The following SULT1B1 variants were observed in gnomAD, a reference collection of about 807,000 sequenced individuals.
SULT1B1 encodes the protein sulfotransferase 1B1.
A neutral mutation model predicts 34.6 loss-of-function variants in SULT1B1; 28 were observed. The ratio of observed to expected loss-of-function variants is 0.81; its 90% CI spans 0.60 to 1.11. The LOEUF is 1.11. Ranked by LOEUF, SULT1B1 falls within the 50% of genes least tolerant of loss-of-function variation. The probability of loss-of-function intolerance (pLI) is 0.00; values close to 1 mark genes in which losing one functional copy is unlikely to be tolerated. For missense variants in SULT1B1, 374 were observed against 352.2 expected (o/e 1.06, Z -0.50); for synonymous variants, 147 against 110.2 (o/e 1.33, Z -2.09).
chr4:69,728,441 T>A (rs538611661), intron 7 of SULT1B1, among the ~76,000 whole-genome samples: 2 of 152,174 alleles, frequency 1.3e-5, no homozygotes, highest in African/African-American at 4.8e-5. Flanking sequence ...GCACATTTGT[T>A]CATACTTAAC....
chr4:69,727,454 T>A (rs924205414), intron 7 of SULT1B1, among the ~76,000 whole-genome samples: 1 of 152,048 alleles, frequency 6.6e-6, no homozygotes, highest in Admixed American at 6.6e-5. Flanking sequence ...GAAAGACTAA[T>A]TTTCTTGTTT....
chr4:69,726,434 A>G lies in SULT1B1; in HGVS notation c.*654T>C, dbSNP rs1717839256. On this transcript the variant is annotated 3_prime_UTR_variant, in exon 8 of 8. Transcript: ENST00000310613. ...CCCTCAGGGCTGCTTTTCAGAACAG[A>G]GCTCCAGTTCCCAGGTAACCAATCC... The G allele has an allele frequency of 6.6e-6, 1 of 151,894 alleles. No homozygotes were observed. Among genetic ancestry groups the G allele is most frequent in the Admixed American group, 6.6e-5 (1 of 15,214 alleles). The allele number at this position is 151,894 out of a possible 1,614,324, so 9.4% of individuals were successfully genotyped here.
chr4:69,754,874 T>C, intron 2 of SULT1B1, 76 bp from the exon 3 acceptor site: 1 of 1,508,186 alleles, frequency 6.6e-7, no homozygotes, highest in Non-Finnish European at 9.1e-7. Context: ...TTGGAAACAC[T>C]ACCATCTTAA....
intron 3 of SULT1B1, among the ~76,000 whole-genome samples, chr4:69,750,181 T>C (rs1295110123): frequency 2.6e-5 from 4 of 152,150 alleles, no homozygotes; most frequent in Non-Finnish European, 5.9e-5. Flanking sequence ...TAAATGACTA[T>C]TTAAATGTTT....
chr4:69,749,871 G>C, intron 3 of SULT1B1, 53 bp from the exon 4 acceptor site: 1 of 1,386,910 alleles, frequency 7.2e-7, no homozygotes, highest in Non-Finnish European at 1.0e-6. Context: ...GAAAGGCTAC[G>C]TTTCCTTATT....
chr4:69,730,359 T>C, intron 7 of SULT1B1, 142 bp downstream of exon 7: 1 of 597,364 alleles, frequency 1.7e-6, no homozygotes, highest in Non-Finnish European at 2.8e-6. Flanking sequence ...TAATTTTGAA[T>C]CTCAGCAACT....
At position 69,722,171 on chromosome 4, in the gene SULT1B1, C is replaced by T. The variant is rs1391977773; in HGVS notation, c.*4917G>A. On this transcript the variant is annotated 3_prime_UTR_variant, in exon 8 of 8. Transcript: ENST00000310613. Reference sequence around the variant, plus strand: ...TCTAAATTCTATTTTTATCTCCACTCTTCACTCAGTGCATAGAAACATACC... The same window carrying T: ...TCTAAATTCTATTTTTATCTCCACTTTTCACTCAGTGCATAGAAACATACC... 1.3e-5 allele frequency: 2 copies of T among 152,120 alleles called. No individual in the cohort carries two copies. The highest frequency in any genetic ancestry group is 2.9e-5 in the Non-Finnish European group (2 of 67,998). The allele number at this position is 152,120 out of a possible 1,614,324, so 9.4% of individuals were successfully genotyped here.
chr4:69,722,250 G>C lies in SULT1B1; in HGVS notation c.*4838C>G, dbSNP rs1272123395. On this transcript the variant is annotated 3_prime_UTR_variant, in exon 8 of 8. Coordinates refer to ENST00000310613, the MANE Select transcript of SULT1B1 (RefSeq NM_014465.4). ...TCGTTGAATACAGTCCAATTACAGA[G>C]AGTTATTTCTACAAAGTAAAACTAG... The C allele has an allele frequency of 1.3e-5, 2 of 152,034 alleles. No homozygotes were observed. The highest frequency in any genetic ancestry group is 2.9e-5 in the Non-Finnish European group (2 of 67,980). 9.4% of individuals were successfully genotyped at this position (152,034 alleles called of 1,614,324 possible). A position where few individuals can be genotyped will look rare whatever the true frequency, so the allele number is the denominator to read the frequency against.
Position 69,754,732 on chromosome 4 carries a change from C to G in SULT1B1, c.215G>C (p.Arg72Pro), listed in dbSNP as rs370321903. ...TGGAACTTTTTCAGTAATAAAACCT[C>G]GCTTACATTTTTCAATATCTCCATC... ...LNDGDIEKCK[R>P]GFITEKVPML... Residue 72 changes from arginine to proline, a missense_variant, in exon 3 of 8, where the codon CGA (arginine) becomes CCA (proline). Transcript: ENST00000310613. The G allele has an allele frequency of 6.2e-7, 1 of 1,612,994 alleles. No homozygotes were observed.
chr4:69,722,704 A>G lies in SULT1B1; in HGVS notation c.*4384T>C, dbSNP rs1253069478. 2 of 152,092 alleles carry G rather than the reference A, an allele frequency of 1.3e-5. No individual in the cohort carries two copies. The highest frequency in any genetic ancestry group is 2.9e-5 in the Non-Finnish European group (2 of 68,008). 9.4% of individuals were successfully genotyped at this position (152,092 alleles called of 1,614,324 possible). A position where few individuals can be genotyped will look rare whatever the true frequency, so the allele number is the denominator to read the frequency against. ...TAGACCAATCCTTTGCTGGGGTTGG[A>G]AAAGAGAAATGTTACAGCTTAAGGA... On this transcript the variant is annotated 3_prime_UTR_variant, in exon 8 of 8. Coordinates refer to ENST00000310613, the MANE Select transcript of SULT1B1 (RefSeq NM_014465.4).
In SULT1B1 at chr4:69,730,697, A is replaced by C. The variant is rs763159832; in HGVS notation, c.598-16T>G. Reference sequence around the variant, plus strand: ...CCTTTGGATTCTATTAGTGGGTAAAACCCAAGACAATAAACAAGTAACTCA... The same window carrying C: ...CCTTTGGATTCTATTAGTGGGTAAACCCCAAGACAATAAACAAGTAACTCA... On this transcript the variant is annotated splice_polypyrimidine_tract_variant and intron_variant, in intron 6 of 7. Transcript: ENST00000310613. 1.9e-6 allele frequency: 3 copies of C among 1,602,750 alleles called. No individual in the cohort carries two copies. The highest frequency in any genetic ancestry group is 2.6e-6 in the Non-Finnish European group (3 of 1,175,292).
At chr4:69,736,781 A>G (rs1339653287) in intron 4 of SULT1B1, among the ~76,000 whole-genome samples, 1 of 152,124 alleles carries the variant, frequency 6.6e-6, no homozygotes, top group Non-Finnish European at 1.5e-5. Flanking sequence ...ATAAAGGTAT[A>G]TCAATAGAAT....
chr4:69,754,095 T>C (rs1384225644), intron 3 of SULT1B1, among the ~76,000 whole-genome samples: 1 of 152,234 alleles, frequency 6.6e-6, no homozygotes, highest in Non-Finnish European at 1.5e-5. Flanking sequence ...TAAGCTTTCC[T>C]ATTGTTCGCT....
At chr4:69,749,699 T>G in intron 4 of SULT1B1, 22 bp downstream of exon 4, 1 of 1,569,848 alleles carries the variant, frequency 6.4e-7, no homozygotes, top group South Asian at 1.1e-5. Flanking sequence ...ACTAAAAAAC[T>G]GACATGGAGT....
In SULT1B1 at chr4:69,723,644, G is replaced by C. The variant is rs1218148124; in HGVS notation, c.*3444C>G. 1 of 151,992 alleles carries C rather than the reference G, an allele frequency of 6.6e-6. No homozygotes were observed. The highest frequency in any genetic ancestry group is 1.5e-5 in the Non-Finnish European group (1 of 67,986). The allele number at this position is 151,992 out of a possible 1,614,324, so 9.4% of individuals were successfully genotyped here. On this transcript the variant is annotated 3_prime_UTR_variant, in exon 8 of 8. Transcript: ENST00000310613. ...ATCCTCAATAAAATACTGGCAAACC[G>C]AATCCAGCAGCACATCAAAAAGCTT...
chr4:69,733,473 GT>G lies in SULT1B1; in HGVS notation c.536del (p.Asn179ThrfsTer19). 1 of 1,607,558 alleles carries G rather than the reference GT, an allele frequency of 6.2e-7. No individual in the cohort carries two copies. Among genetic ancestry groups the G allele is most frequent in the African/African-American group, 1.3e-5 (1 of 74,632 alleles). On this transcript the variant is annotated frameshift_variant, in exon 6 of 8. Transcript: ENST00000310613. LOFTEE classifies it high-confidence loss of function. ...GGTGTTCTTCCTTTTTCTTCCACCA[GT>G]TTTTAACATGAGTAAACCAGGAACC... The part of the protein sequence containing the change: ...AYGSWFTHVK[N>X]WWKKKEEHPI...
chr4:69,750,826 T>G (rs1229157184), intron 3 of SULT1B1, among the ~76,000 whole-genome samples: 1 of 152,202 alleles, frequency 6.6e-6, no homozygotes, highest in Non-Finnish European at 1.5e-5. Context: ...GAGATGTAAC[T>G]TGTTTTGTTC....
Position 69,755,102 on chromosome 4 carries a change from T to C in SULT1B1, c.116A>G (p.Asp39Gly). ...EKIEQFHSRP[D>G]DIVIATYPKS... ...AGGATAAGTGGCTATCACAATGTCA[T>C]CTGGTCTGCTATGGAACTGTTCAAT... Residue 39 changes from aspartate (D) to glycine (G), a missense_variant, in exon 2 of 8, where the codon GAT (aspartate) becomes GGT (glycine). Transcript: ENST00000310613. 6.2e-7 allele frequency: 1 copy of C among 1,613,906 alleles called. No individual in the cohort carries two copies.
In SULT1B1 at chr4:69,730,545, G is replaced by A; in HGVS notation, c.734C>T (p.Pro245Leu). 1 of 1,612,362 alleles carries A rather than the reference G, an allele frequency of 6.2e-7. No individual in the cohort carries two copies. Among genetic ancestry groups the A allele is most frequent in the East Asian group, 2.2e-5 (1 of 44,716 alleles). ...DNPLVNYTHL[P>L]TTVMDHSKSP... ...TTTGCTATGATCCATCACTGTAGTT[G>A]GTAGATGTGTATAATTTACCAAAGG... Residue 245 changes from proline to leucine, a missense_variant, in exon 7 of 8, where the codon CCA becomes CTA. Physicochemically the swap from Pro to Leu is moderately conservative, Grantham distance 98 (BLOSUM62 -3). Coordinates refer to ENST00000310613, the MANE Select transcript of SULT1B1 (RefSeq NM_014465.4).
Sources: allele counts gnomAD v4.1 joint callset (sites outside exome capture counted in the v4.1 genomes callset), GRCh38; gene constraint gnomAD v4.1.1; transcripts MANE v1.5; gene names NCBI Gene and HGNC (gene_info 2026-07-23, HGNC 2026-07-21).